FEM1C: variants seen among roughly 807,000 people sequenced by gnomAD.
FEM1C encodes protein fem-1 homolog C.
FEM1C carries 15 observed loss-of-function variants against 37.6 expected under a neutral mutation model. The ratio of observed to expected loss-of-function variants is 0.40; its 90% CI spans 0.27 to 0.61. The LOEUF (loss-of-function observed/expected upper bound fraction) is 0.61, where lower values mean the gene tolerates loss of function less well. Among genes scored for constraint, FEM1C ranks in the 20% least tolerant of loss-of-function variants. The pLI is 0.42. For missense variants in FEM1C, 532 were observed against 749.7 expected, an observed-to-expected ratio of 0.71 and a Z score of 3.39; for synonymous variants, 287 against 272.8, an observed-to-expected ratio of 1.05 and a Z score of -0.51.
At chr5:115,530,181 T>G (rs1753986056) in intron 2 of FEM1C, among the ~76,000 whole-genome samples, 1 of 151,970 alleles carries the variant, frequency 6.6e-6, no homozygotes, top group African/African-American at 2.4e-5. Flanking sequence ...TAGAAAATGA[T>G]CTTTAGAAGT....
chr5:115,544,695 A>C lies in FEM1C; in HGVS notation c.-363T>G, dbSNP rs900301697. The C allele has an allele frequency of 6.5e-6, 1 of 153,102 alleles. No individual in the cohort carries two copies. Among genetic ancestry groups the C allele is most frequent in the African/African-American group, 2.4e-5 (1 of 41,442 alleles). The allele number at this position is 153,102 out of a possible 1,614,324, so 9.5% of individuals were successfully genotyped here. A position where few individuals can be genotyped will look rare whatever the true frequency, so the allele number is the denominator to read the frequency against. On this transcript the variant is annotated 5_prime_UTR_variant, in exon 1 of 3. Transcript: ENST00000274457. Reference sequence around the variant, plus strand: ...AATGAATCCGGCCGCGCTGTTCGCCACGCCCCGCCACCCGAGCTGCCTCCC... The same window carrying C: ...AATGAATCCGGCCGCGCTGTTCGCCCCGCCCCGCCACCCGAGCTGCCTCCC...
At chr5:115,541,966 A>T (rs1437280040) in intron 2 of FEM1C, among the ~76,000 whole-genome samples, 2 of 152,142 alleles carry the variant, frequency 1.3e-5, no homozygotes, top group Admixed American at 1.3e-4. Flanking sequence ...ATTCAAATGT[A>T]AACCAACAAT....
chr5:115,542,098 G>A (rs1754254395), intron 2 of FEM1C, among the ~76,000 whole-genome samples: 1 of 151,986 alleles, frequency 6.6e-6, no homozygotes, highest in Admixed American at 6.6e-5. Context: ...TTCGTGTAAG[G>A]GAAGTTAAGG....
In FEM1C at chr5:115,523,948, A is replaced by G; in HGVS notation, c.*360T>C. 5.4e-6 allele frequency: 1 copy of G among 186,202 alleles called. No homozygotes were observed. Among genetic ancestry groups the G allele is most frequent in the South Asian group, 1.1e-4 (1 of 9,178 alleles). The allele number at this position is 186,202 out of a possible 1,614,324, so 11.5% of individuals were successfully genotyped here. A position where few individuals can be genotyped will look rare whatever the true frequency, so the allele number is the denominator to read the frequency against. ...GAGAAGAAAGAAGCAAGAAAAAAAGACTTTCAATTGTATAAAATTCACAAA... is the reference window on the plus strand; with the variant it reads ...GAGAAGAAAGAAGCAAGAAAAAAAGGCTTTCAATTGTATAAAATTCACAAA... On this transcript the variant is annotated 3_prime_UTR_variant, in exon 3 of 3. Transcript: ENST00000274457.
intron 2 of FEM1C, among the ~76,000 whole-genome samples, chr5:115,541,373 C>A (rs781239378): frequency 6.6e-6 from 1 of 151,788 alleles, no homozygotes; most frequent in Non-Finnish European, 1.5e-5. Flanking sequence ...GATCTTGTAT[C>A]ATTTTTATAA....
At chr5:115,541,529 T>G (rs1170404886) in intron 2 of FEM1C, among the ~76,000 whole-genome samples, 3 of 152,134 alleles carry the variant, frequency 2.0e-5, no homozygotes, top group Admixed American at 6.5e-5. Context: ...TCACTTTGAT[T>G]TAGCAATTCT....
intron 2 of FEM1C, among the ~76,000 whole-genome samples, chr5:115,528,064 G>GA (rs1257019784): frequency 3.2e-4 from 47 of 145,534 alleles, no homozygotes; most frequent in African/African-American, 1.1e-3. Flanking sequence ...TGTATTTATC[G>GA]AAAAAATACA....
In FEM1C at chr5:115,525,442, G is replaced by A. The variant is rs1352337216; in HGVS notation, c.720C>T (p.Ser240=). Reference sequence around the variant, plus strand: ...CTAGAGCATTAATACGTTCTGTCTTGCTGGTCTGTGCATGGTGTGTCAGAA... The same window carrying A: ...CTAGAGCATTAATACGTTCTGTCTTACTGGTCTGTGCATGGTGTGTCAGAA... ...VDFLTHHAQT[S]KTERINALEL... Residue 240 remains serine, a synonymous_variant, in exon 3 of 3, where the codon AGC becomes AGT. Coordinates refer to ENST00000274457, the MANE Select transcript of FEM1C (RefSeq NM_020177.3). 1 of 1,613,458 alleles carries A rather than the reference G, an allele frequency of 6.2e-7. No individual in the cohort carries two copies. Among genetic ancestry groups the A allele is most frequent in the Non-Finnish European group, 8.5e-7 (1 of 1,179,766 alleles).
chr5:115,534,484 G>C (rs1399464930), intron 2 of FEM1C, among the ~76,000 whole-genome samples: 1 of 151,904 alleles, frequency 6.6e-6, no homozygotes, highest in Non-Finnish European at 1.5e-5. Context: ...ATAAGGGCAA[G>C]TGATTGTTAC....
intron 2 of FEM1C, among the ~76,000 whole-genome samples, chr5:115,533,127 A>G (rs1754052232): frequency 6.6e-6 from 1 of 152,088 alleles, no homozygotes; most frequent in African/African-American, 2.4e-5. Flanking sequence ...TCTTCAATTC[A>G]CTACCAATGG....
Position 115,524,219 on chromosome 5 carries a change from A to C in FEM1C, c.*89T>G, listed in dbSNP as rs1241245698. The C allele has an allele frequency of 9.6e-7, 1 of 1,039,502 alleles. No homozygotes were observed. Among genetic ancestry groups the C allele is most frequent in the Non-Finnish European group, 1.4e-6 (1 of 692,866 alleles). The allele number at this position is 1,039,502 out of a possible 1,614,324, so 64.4% of individuals were successfully genotyped here. A position where few individuals can be genotyped will look rare whatever the true frequency, so the allele number is the denominator to read the frequency against. On this transcript the variant is annotated 3_prime_UTR_variant, in exon 3 of 3. Coordinates refer to ENST00000274457, the MANE Select transcript of FEM1C (RefSeq NM_020177.3). ...AGCACAATGATATCAATCAAGCTAA[A>C]TGAATGCTGGTGTTATCACAACAGT...
chr5:115,534,052 T>C (rs1300017002), intron 2 of FEM1C, among the ~76,000 whole-genome samples: 2 of 151,982 alleles, frequency 1.3e-5, no homozygotes, highest in Non-Finnish European at 2.9e-5. Context: ...AAAGCATTTC[T>C]CTAGAAAGCT....
intron 2 of FEM1C, among the ~76,000 whole-genome samples, chr5:115,537,058 C>G (rs1040470892): frequency 4.6e-5 from 7 of 151,906 alleles, no homozygotes; most frequent in Non-Finnish European, 1.0e-4. Context: ...TCACAGACTC[C>G]CTGTTCAATC....
intron 1 of FEM1C, chr5:115,544,093 G>C: frequency 1.0e-6 from 1 of 985,468 alleles, no homozygotes; most frequent in Non-Finnish European, 1.2e-6. Context: ...AGGCTGGAAG[G>C]CCTGAGGCCG....
intron 2 of FEM1C, among the ~76,000 whole-genome samples, chr5:115,539,187 T>C (rs1754189397): frequency 6.6e-6 from 1 of 152,068 alleles, no homozygotes. Flanking sequence ...AGAGCCAGTC[T>C]CCAAATCTGA....
At chr5:115,536,055 G>C (rs529064035) in intron 2 of FEM1C, among the ~76,000 whole-genome samples, 2 of 152,024 alleles carry the variant, frequency 1.3e-5, no homozygotes, top group African/African-American at 4.8e-5. Flanking sequence ...CCTAAGACTA[G>C]TGCAGTTTCA....
At chr5:115,528,599 A>T (rs1190170398) in intron 2 of FEM1C, among the ~76,000 whole-genome samples, 1 of 152,196 alleles carries the variant, frequency 6.6e-6, no homozygotes, top group Non-Finnish European at 1.5e-5. Flanking sequence ...AGTATACAGA[A>T]TTAAAAGCCA....
intron 2 of FEM1C, among the ~76,000 whole-genome samples, chr5:115,540,367 T>C (rs1024318565): frequency 6.6e-6 from 1 of 152,128 alleles, no homozygotes; most frequent in African/African-American, 2.4e-5. Context: ...GCACATGAAG[T>C]GACAATATCT....
intron 2 of FEM1C, 80 bp from the exon 3 acceptor site, chr5:115,525,697 C>T: frequency 8.8e-7 from 1 of 1,142,762 alleles, no homozygotes; most frequent in Non-Finnish European, 1.2e-6. Context: ...CACTTTAGAA[C>T]CTAAAGAAAA....
Sources: allele counts gnomAD v4.1 joint callset (sites outside exome capture counted in the v4.1 genomes callset), GRCh38; gene constraint gnomAD v4.1.1; transcripts MANE v1.5; gene names NCBI Gene and HGNC (gene_info 2026-07-23, HGNC 2026-07-21).